SOS2: variants seen among roughly 807,000 people sequenced by gnomAD.
SOS2 encodes son of sevenless homolog 2.
In SOS2, 65 loss-of-function variants were observed where a neutral mutation model predicts 148.2. The ratio of observed to expected loss-of-function variants is 0.44; its 90% CI spans 0.36 to 0.54. The LOEUF is 0.54. SOS2 is among the 20% of genes least tolerant of loss of function. SOS2 has a pLI of 0.00. For synonymous variants in SOS2, 539 were observed against 537.1 expected, an observed-to-expected ratio of 1.00 and a Z score of -0.05; for missense variants, 1,341 against 1,590.2, an observed-to-expected ratio of 0.84 and a Z score of 2.67.
chr14:50,155,493 T>A (rs1884784127), intron 12 of SOS2, among the ~76,000 whole-genome samples: 1 of 152,170 alleles, frequency 6.6e-6, no homozygotes, highest in Admixed American at 6.6e-5. Context: ...ATACATCCTT[T>A]AGGGGCAGTC....
intron 4 of SOS2, among the ~76,000 whole-genome samples, chr14:50,195,919 TG>T (rs1287622355): frequency 1.3e-5 from 2 of 152,060 alleles, no homozygotes; most frequent in African/African-American, 4.8e-5. Flanking sequence ...TCCAGCTACC[TG>T]GGAGGCTGAG....
chr14:50,165,201 C>A (rs895375453), intron 8 of SOS2, among the ~76,000 whole-genome samples: 2 of 152,154 alleles, frequency 1.3e-5, no homozygotes, highest in Non-Finnish European at 2.9e-5. Flanking sequence ...AAATTTAACA[C>A]CGAGTAATCT....
rs775132991 is a variant in SOS2, at chr14:50,118,711, G to A, written c.3632C>T (p.Pro1211Leu). 1.5e-5 allele frequency: 24 copies of A among 1,613,748 alleles called. No individual in the cohort carries two copies. The highest frequency in any genetic ancestry group is 1.7e-5 in the Non-Finnish European group (20 of 1,180,000). Reference protein sequence around the residue: ...HSPPPPPPRDPLPDTPPPVPL... With the variant: ...HSPPPPPPRDLLPDTPPPVPL... Reference sequence around the variant, plus strand: ...AACTGGTGGAGGGGTATCAGGAAGAGGATCTCTTGGTGGTGGCGGAGGTGG... The same window carrying A: ...AACTGGTGGAGGGGTATCAGGAAGAAGATCTCTTGGTGGTGGCGGAGGTGG... The change falls in exon 23 of 23, where the codon CCT becomes CTT. Residue 1211 changes from proline to leucine, a missense_variant. Pro to Leu is a moderately conservative substitution (Grantham distance 98). Coordinates refer to ENST00000216373, the MANE Select transcript of SOS2 (RefSeq NM_006939.4).
At chr14:50,209,690 C>T (rs1052248921) in intron 1 of SOS2, among the ~76,000 whole-genome samples, 2 of 150,642 alleles carry the variant, frequency 1.3e-5, no homozygotes, top group African/African-American at 4.9e-5. Flanking sequence ...ACCCGGAGGT[C>T]GAGGCTGCAG....
chr14:50,216,988 C>G (rs901607295), intron 1 of SOS2, among the ~76,000 whole-genome samples: 1 of 152,116 alleles, frequency 6.6e-6, no homozygotes, highest in Admixed American at 6.5e-5. Flanking sequence ...TACAAAGGTC[C>G]TAGAATAACT....
chr14:50,166,452 T>C (rs56150067), intron 8 of SOS2, among the ~76,000 whole-genome samples: 61,732 of 151,928 alleles, frequency 0.41, 13,188 homozygotes, highest in East Asian at 0.71. Context: ...TGGTCTCAAA[T>C]TCCTGAGCTC....
chr14:50,195,020 C>A (rs570841633), intron 4 of SOS2, among the ~76,000 whole-genome samples: 1 of 151,914 alleles, frequency 6.6e-6, no homozygotes, highest in Non-Finnish European at 1.5e-5. Context: ...TTTAAAATAT[C>A]TACATATGCT....
chr14:50,152,993 A>T, intron 13 of SOS2, 77 bp downstream of exon 13: 1 of 682,196 alleles, frequency 1.5e-6, no homozygotes, highest in Non-Finnish European at 2.5e-6. Flanking sequence ...GAAATGTTTT[A>T]GTTTCTTAAA....
intron 21 of SOS2, among the ~76,000 whole-genome samples, chr14:50,125,047 C>T (rs538519118): frequency 3.9e-5 from 6 of 152,274 alleles, no homozygotes; most frequent in African/African-American, 1.4e-4. Context: ...ATGATGAAGT[C>T]CCATAACCTA....
At chr14:50,156,119 G>C (rs1242205210) in intron 12 of SOS2, 3 of 151,948 alleles carry the variant, frequency 2.0e-5, no homozygotes, top group South Asian at 4.1e-4. Flanking sequence ...GAAATTTAGA[G>C]AGAAAAAAAA....
chr14:50,163,877 C>A (rs1885088501), intron 8 of SOS2, among the ~76,000 whole-genome samples: 1 of 152,126 alleles, frequency 6.6e-6, no homozygotes, highest in African/African-American at 2.4e-5. Context: ...TCTACTTGGT[C>A]TTAAGGCTGC....
At chr14:50,119,577 G>A (rs969706347) in intron 22 of SOS2, among the ~76,000 whole-genome samples, 1 of 151,632 alleles carries the variant, frequency 6.6e-6, no homozygotes, top group African/African-American at 2.4e-5. Flanking sequence ...TGTCGCCCAG[G>A]CTGGAGTGCA....
chr14:50,200,893 GAAAT>G (rs1300216762), intron 3 of SOS2, 56 bp downstream of exon 3: 1 of 1,504,432 alleles, frequency 6.6e-7, no homozygotes, highest in Non-Finnish European at 9.2e-7. Flanking sequence ...TATAAATATA[GAAAT>G]AAAATATTAC....
intron 5 of SOS2, 77 bp downstream of exon 5, chr14:50,188,420 A>G: frequency 1.0e-6 from 1 of 1,002,542 alleles, no homozygotes; most frequent in Non-Finnish European, 1.5e-6. Context: ...AAAAATAAAA[A>G]AAAGTGACTA....
chr14:50,204,425 A>G lies in SOS2; in HGVS notation c.88-16T>C. The G allele has an allele frequency of 6.6e-7, 1 of 1,513,380 alleles. No individual in the cohort carries two copies. The highest frequency in any genetic ancestry group is 9.0e-7 in the Non-Finnish European group (1 of 1,107,252). The allele number at this position is 1,513,380 out of a possible 1,614,324, so 93.7% of individuals were successfully genotyped here. ...GTTCCTGAACCTTTAAAAAAAAGTT[A>G]TCAGTTAAAGTAATGGCAAAATAAT... On this transcript the variant is annotated splice_polypyrimidine_tract_variant and intron_variant, in intron 1 of 22. Transcript: ENST00000216373.
Position 50,138,729 on chromosome 14 carries a change from T to C in SOS2, c.2841A>G (p.Lys947=). 1 of 1,273,514 alleles carries C rather than the reference T, an allele frequency of 7.9e-7. No homozygotes were observed. Among genetic ancestry groups the C allele is most frequent in the Non-Finnish European group, 1.1e-6 (1 of 890,058 alleles). 78.9% of individuals were successfully genotyped at this position (1,273,514 alleles called of 1,614,324 possible). The change falls in exon 18 of 23, where the codon AAA becomes AAG. Residue 947 remains lysine, a synonymous_variant. Transcript: ENST00000216373. ...KTEEGNNDFL[K]KKGKDLINFS... ...AATTGATTAAATCTTTCCCTTTCTTTTTTAAAAAATCATTATTCCCTTCTT... is the reference window on the plus strand; with the variant it reads ...AATTGATTAAATCTTTCCCTTTCTTCTTTAAAAAATCATTATTCCCTTCTT...
chr14:50,175,939 GCCA>G (rs1032547152), intron 7 of SOS2, among the ~76,000 whole-genome samples: 9 of 152,286 alleles, frequency 5.9e-5, no homozygotes, highest in Non-Finnish European at 1.2e-4. Context: ...CACAAAAAGT[GCCA>G]CCAATTTTCC....
rs1446043280 is a variant in SOS2 at position 50,134,245 on chromosome 14, AT to A, written c.2959-7del. 7.7e-7 allele frequency: 1 copy of A among 1,291,240 alleles called. No individual in the cohort carries two copies. Among genetic ancestry groups the A allele is most frequent in the Non-Finnish European group, 1.1e-6 (1 of 896,160 alleles). 80.0% of individuals were successfully genotyped at this position (1,291,240 alleles called of 1,614,324 possible). A position where few individuals can be genotyped will look rare whatever the true frequency, so the allele number is the denominator to read the frequency against. ...TTAAGGTTTTCAAAGAATCTCTGGAATTAAACAAATAACACAAGTGCATATA... is the reference window on the plus strand; with the variant it reads ...TTAAGGTTTTCAAAGAATCTCTGGAATAAACAAATAACACAAGTGCATATA... On this transcript the variant is annotated splice_polypyrimidine_tract_variant and splice_region_variant and intron_variant, in intron 18 of 22. Transcript: ENST00000216373.
chr14:50,162,526 A>G (rs979658250), intron 8 of SOS2, among the ~76,000 whole-genome samples: 8 of 152,240 alleles, frequency 5.3e-5, no homozygotes, highest in Admixed American at 4.6e-4. Flanking sequence ...TAGAGAAAAT[A>G]AGTAACTATA....
Sources: allele counts gnomAD v4.1 joint callset (sites outside exome capture counted in the v4.1 genomes callset), GRCh38; gene constraint gnomAD v4.1.1; transcripts MANE v1.5; gene names NCBI Gene and HGNC (gene_info 2026-07-23, HGNC 2026-07-21).